The following NUFIP2 variants were observed in gnomAD, a reference collection of about 807,000 sequenced individuals.
The protein encoded by NUFIP2 is FMR1-interacting protein NUFIP2.
Under a neutral mutation model 56.9 loss-of-function variants are expected in NUFIP2, and 6 were observed. The observed-to-expected ratio is 0.11, with a 90% CI of 0.06 to 0.21. The LOEUF (loss-of-function observed/expected upper bound fraction) is 0.21. Among genes scored for constraint, NUFIP2 ranks in the 10% least tolerant of loss-of-function variants. NUFIP2 has a pLI of 1.00. For synonymous variants in NUFIP2, 321 were observed against 298.2 expected (o/e 1.08, Z -0.79); for missense variants, 828 against 826.8 (o/e 1.00, Z -0.02).
intron 2 of NUFIP2, among the ~76,000 whole-genome samples, chr17:29,275,386 T>G (rs529730574): frequency 6.6e-6 from 1 of 151,986 alleles, no homozygotes; most frequent in Non-Finnish European, 1.5e-5. Flanking sequence ...TCCAGGGAAA[T>G]TGATGTAACA....
chr17:29,276,169 C>A (rs894661642), intron 2 of NUFIP2, among the ~76,000 whole-genome samples: 1 of 151,920 alleles, frequency 6.6e-6, no homozygotes, highest in East Asian at 1.9e-4. Context: ...GCTAGTACAT[C>A]AACAGATTAA....
chr17:29,283,560 G>C (rs1343610394), intron 2 of NUFIP2, among the ~76,000 whole-genome samples: 1 of 152,174 alleles, frequency 6.6e-6, no homozygotes, highest in East Asian at 1.9e-4. Context: ...TGGGATTACA[G>C]TCATGACCCA....
intron 2 of NUFIP2, among the ~76,000 whole-genome samples, chr17:29,271,602 A>G (rs760206474): frequency 1.3e-5 from 2 of 152,122 alleles, no homozygotes; most frequent in Non-Finnish European, 2.9e-5. Context: ...TAAGAAGTGA[A>G]TGCAATTTCC....
rs780419828 is a variant in NUFIP2, at chr17:29,287,331, A to T, written c.663T>A (p.Pro221=). ...TATTGCGCCTAGCTTTCCTTTTTTT[A>T]GGAGTTGTATATCCGCTCTCAGATC... is the stretch of plus-strand genomic sequence containing the variant. The part of the protein sequence containing the change: ...GSGSESGYTT[P]KKRKARRNSA... Residue 221 remains proline (P), a synonymous_variant, in exon 2 of 4, where the codon CCT becomes CCA. Coordinates refer to ENST00000225388, the MANE Select transcript of NUFIP2 (RefSeq NM_020772.3). The T allele has an allele frequency of 1.2e-6, 2 of 1,613,972 alleles. No homozygotes were observed. Among genetic ancestry groups the T allele is most frequent in the Admixed American group, 3.3e-5 (2 of 59,986 alleles).
intron 2 of NUFIP2, among the ~76,000 whole-genome samples, chr17:29,278,783 A>G (rs1444448501): frequency 6.6e-6 from 1 of 152,168 alleles, no homozygotes; most frequent in Non-Finnish European, 1.5e-5. Flanking sequence ...AAAATTCCTT[A>G]CAAGTGATCT....
At position 29,272,758 on chromosome 17, in the gene NUFIP2, T is replaced by G. The variant is rs550770426; in HGVS notation, c.2003-5228A>C. Among the ~76,000 whole-genome samples the G allele has an allele frequency of 3.9e-5, 6 of 152,262 alleles. No homozygotes were observed. The South Asian group carries it at 1.2e-3, about 32-fold the overall frequency. On this transcript the variant is annotated intron_variant, in intron 2 of 3. Coordinates refer to ENST00000225388, the MANE Select transcript of NUFIP2 (RefSeq NM_020772.3). ...GAGCATTTCCTTTTTGAACATCATG[T>G]CAGTACTGAAAAATTTTGGATCTTG...
intron 2 of NUFIP2, among the ~76,000 whole-genome samples, chr17:29,271,835 C>T (rs1029282494): frequency 1.1e-4 from 16 of 151,840 alleles, no homozygotes; most frequent in African/African-American, 3.9e-4. Context: ...CTTTGTGAGG[C>T]CAAGGCAGGT....
intron 1 of NUFIP2, among the ~76,000 whole-genome samples, chr17:29,288,080 G>T (rs904569071): frequency 6.6e-6 from 1 of 152,206 alleles, no homozygotes; most frequent in Non-Finnish European, 1.5e-5. Flanking sequence ...GTCTCACTCT[G>T]TCGCCCAGGC....
chr17:29,284,636 G>A (rs1032470735), intron 2 of NUFIP2, among the ~76,000 whole-genome samples: 1 of 149,674 alleles, frequency 6.7e-6, no homozygotes, highest in Non-Finnish European at 1.5e-5. Context: ...AACCCGGGAG[G>A]CGGAGGTTGC....
At position 29,272,649 on chromosome 17, in the gene NUFIP2, T is replaced by C. The variant is rs573739550; in HGVS notation, c.2003-5119A>G. ...GAATTATACAAAATCATCATACACATACAAGTTGAGTATCCTTATCTGAAA... is the reference window on the plus strand; with the variant it reads ...GAATTATACAAAATCATCATACACACACAAGTTGAGTATCCTTATCTGAAA... On this transcript the variant is annotated intron_variant, in intron 2 of 3. Transcript: ENST00000225388. 1.8e-4 allele frequency among the ~76,000 whole-genome samples: 28 copies of C among 152,314 alleles called. No homozygotes were observed. In the East Asian group the frequency reaches 5.2e-3, roughly 28 times the overall value.
Position 29,278,310 on chromosome 17 carries a change from G to A in NUFIP2, c.2002+7682C>T, listed in dbSNP as rs561720315. Among the ~76,000 whole-genome samples the A allele has an allele frequency of 4.6e-5, 7 of 151,654 alleles. No individual in the cohort carries two copies. In the South Asian group the frequency reaches 1.1e-3, roughly 23 times the overall value. On this transcript the variant is annotated intron_variant, in intron 2 of 3. Coordinates refer to ENST00000225388, the MANE Select transcript of NUFIP2 (RefSeq NM_020772.3). ...CCCCCAGGCTAGACTGCAGTGGCGCGATCTCGGCTCACTGCAAGCTCCACC... is the reference window on the plus strand; with the variant it reads ...CCCCCAGGCTAGACTGCAGTGGCGCAATCTCGGCTCACTGCAAGCTCCACC...
In NUFIP2 at chr17:29,286,117, G is replaced by A; in HGVS notation, c.1877C>T (p.Pro626Leu). 3 of 1,614,122 alleles carry A rather than the reference G, an allele frequency of 1.9e-6. No homozygotes were observed. Among genetic ancestry groups the A allele is most frequent in the Non-Finnish European group, 2.5e-6 (3 of 1,179,992 alleles). Residue 626 changes from proline to leucine, a missense_variant, in exon 2 of 4, where the codon CCT (proline) becomes CTT (leucine). Transcript: ENST00000225388. ...SKDYEIESQN[P>L]LASPTNTLLG... The stretch of plus-strand genomic sequence containing the variant: ...CAAAGTGTTCGTAGGAGAGGCCAGA[G>A]GATTTTGACTTTCTATCTCGTAGTC...
At chr17:29,267,199 C>T (rs903974933) in intron 3 of NUFIP2, among the ~76,000 whole-genome samples, 7 of 151,110 alleles carry the variant, frequency 4.6e-5, no homozygotes, top group Admixed American at 2.0e-4. Context: ...CCACCGTGCC[C>T]GGCCCTACAT....
Position 29,291,789 on chromosome 17 carries a change from A to G in NUFIP2, c.277+1994T>C, listed in dbSNP as rs540787017. Among the ~76,000 whole-genome samples the G allele has an allele frequency of 2.6e-5, 4 of 152,352 alleles. No homozygotes were observed. In the South Asian group the frequency reaches 8.3e-4, roughly 32 times the overall value. ...AGTTATATAGTCCCTAACAGTTTTT[A>G]AACTGTTCCAAATCTTTAGGATTAA... On this transcript the variant is annotated intron_variant, in intron 1 of 3. Coordinates refer to ENST00000225388, the MANE Select transcript of NUFIP2 (RefSeq NM_020772.3).
intron 1 of NUFIP2, among the ~76,000 whole-genome samples, chr17:29,289,622 TAGA>T (rs2069198763): frequency 6.6e-6 from 1 of 151,816 alleles, no homozygotes; most frequent in African/African-American, 2.4e-5. Flanking sequence ...AGATACACAA[TAGA>T]AGGACACTCC....
chr17:29,293,758 C>G, intron 1 of NUFIP2, 25 bp downstream of exon 1: 6 of 912,556 alleles, frequency 6.6e-6, no homozygotes, highest in South Asian at 1.5e-5. Flanking sequence ...CAACCCCCTT[C>G]CCCCACCCGT....
intron 1 of NUFIP2, among the ~76,000 whole-genome samples, chr17:29,289,916 A>G (rs1314829189): frequency 6.6e-6 from 1 of 152,176 alleles, no homozygotes; most frequent in African/African-American, 2.4e-5. Context: ...AATACATCTT[A>G]TAACAGTTAT....
intron 2 of NUFIP2, among the ~76,000 whole-genome samples, chr17:29,276,565 T>C (rs1436843490): frequency 6.6e-6 from 1 of 152,176 alleles, no homozygotes; most frequent in East Asian, 1.9e-4. Context: ...CTCTAACTCC[T>C]GACCTCAAGT....
chr17:29,284,371 A>C (rs2069158069), intron 2 of NUFIP2, among the ~76,000 whole-genome samples: 1 of 152,184 alleles, frequency 6.6e-6, no homozygotes. Flanking sequence ...CCATACAGCG[A>C]ATTTTTCTTT....
Sources: allele counts gnomAD v4.1 joint callset (sites outside exome capture counted in the v4.1 genomes callset), GRCh38; gene constraint gnomAD v4.1.1; transcripts MANE v1.5; gene names NCBI Gene and HGNC (gene_info 2026-07-23, HGNC 2026-07-21).